Variants in HEATR5B observed in about 807,000 individuals in gnomAD.
HEATR5B encodes HEAT repeat containing 5B.
Under a neutral mutation model 224.1 loss-of-function variants are expected in HEATR5B, and 156 were observed. The ratio of observed to expected loss-of-function variants is 0.70; its 90% confidence interval spans 0.61 to 0.80. The LOEUF (loss-of-function observed/expected upper bound fraction) is 0.80. Among genes scored for constraint, HEATR5B ranks in the 30% least tolerant of loss-of-function variants. HEATR5B has a pLI of 0.00. For missense variants in HEATR5B, 2,323 were observed against 2,535.5 expected (o/e 0.92, Z 1.80); for synonymous variants, 1,027 against 893.0 (o/e 1.15, Z -2.68).
At chr2:37,007,376 T>TAC in intron 28 of HEATR5B, 72 bp from the exon 29 acceptor site, 1 of 1,415,906 alleles carries the variant, frequency 7.1e-7, no homozygotes, top group Non-Finnish European at 9.3e-7. Context: ...CCAAGTCTCG[T>TAC]TCTGTCGCCC....
chr2:37,014,293 C>G (rs1667975619), intron 26 of HEATR5B, among the ~76,000 whole-genome samples: 1 of 152,010 alleles, frequency 6.6e-6, no homozygotes, highest in African/African-American at 2.4e-5. Flanking sequence ...TCCCAAGTAG[C>G]TGGGACTACA....
In HEATR5B at chr2:37,064,863, A is replaced by G; in HGVS notation, c.1461T>C (p.Cys487=). Residue 487 remains cysteine, a synonymous_variant, in exon 10 of 36, where the codon TGT becomes TGC. Coordinates refer to ENST00000233099, the MANE Select transcript of HEATR5B (RefSeq NM_019024.3). ...TCTTCAAGTTGTTGAGCCGTTCTGC[A>G]CACCTGTCTAGAAATGGTGTCAGCT... ...PFQLTPFLDR[C]AERLNNLKTS... 1 of 1,614,118 alleles carries G rather than the reference A, an allele frequency of 6.2e-7. No individual in the cohort carries two copies. The highest frequency in any genetic ancestry group is 8.5e-7 in the Non-Finnish European group (1 of 1,180,016).
intron 35 of HEATR5B, among the ~76,000 whole-genome samples, chr2:36,987,149 C>T (rs1666002837): frequency 6.6e-6 from 1 of 152,150 alleles, no homozygotes; most frequent in South Asian, 2.1e-4. Context: ...CTCATCTCGG[C>T]CAGGTGCAGC....
rs764605370 is a variant in HEATR5B, at chr2:37,058,967, G to T, written c.1870C>A (p.His624Asn). 1.2e-6 allele frequency: 2 copies of T among 1,608,528 alleles called. No homozygotes were observed. The highest frequency in any genetic ancestry group is 1.7e-6 in the Non-Finnish European group (2 of 1,176,482). ...ALCAMRSFVA[H>N]CPELLTEDVI... ...TCTTCAGTTAGTAGCTCAGGACAAT[G>T]TGCAACGAAGCTCCTCATGGCTAGA... The change falls in exon 13 of 36, where the codon CAT becomes AAT. Residue 624 changes from histidine to asparagine, a missense_variant. Coordinates refer to ENST00000233099, the MANE Select transcript of HEATR5B (RefSeq NM_019024.3).
At chr2:37,057,534 TA>T in intron 14 of HEATR5B, 54 bp from the exon 15 acceptor site, 3 of 1,261,302 alleles carry the variant, frequency 2.4e-6, no homozygotes, top group Non-Finnish European at 3.3e-6. Flanking sequence ...GTGAAAATTA[TA>T]ATCATTGCCC....
At position 37,072,096 on chromosome 2, in the gene HEATR5B, G is replaced by C; in HGVS notation, c.769+14C>G. 6.2e-7 allele frequency: 1 copy of C among 1,602,934 alleles called. No homozygotes were observed. The highest frequency in any genetic ancestry group is 8.5e-7 in the Non-Finnish European group (1 of 1,172,464). ...AGGTCTGTTATGGTCTAAATCAAGGGCAAACAACAATACCTGTTGCCTGTT... is the reference window on the plus strand; with the variant it reads ...AGGTCTGTTATGGTCTAAATCAAGGCCAAACAACAATACCTGTTGCCTGTT... On this transcript the variant is annotated intron_variant, in intron 6 of 35. Transcript: ENST00000233099.
chr2:37,023,792 A>C lies in HEATR5B; in HGVS notation c.3854-2956T>G, dbSNP rs140672020. Reference sequence around the variant, plus strand: ...ACTCTGTCTCAGAAAAAGATAAATAAATAAAATAAAAATAAAAAGAATATC... The same window carrying C: ...ACTCTGTCTCAGAAAAAGATAAATACATAAAATAAAAATAAAAAGAATATC... On this transcript the variant is annotated intron_variant, in intron 24 of 35. Coordinates refer to ENST00000233099, the MANE Select transcript of HEATR5B (RefSeq NM_019024.3). 1.3e-3 allele frequency among the ~76,000 whole-genome samples: 191 copies of C among 152,110 alleles called. 1 individual carries two copies. Among genetic ancestry groups the C allele is most frequent in the Non-Finnish European group, 2.3e-3 (159 of 67,978 alleles).
chr2:37,014,966 T>C (rs1668024665), intron 26 of HEATR5B, among the ~76,000 whole-genome samples: 1 of 151,626 alleles, frequency 6.6e-6, no homozygotes, highest in African/African-American at 2.4e-5. Flanking sequence ...AGGGCGAGAC[T>C]TTGTCTCAAA....
chr2:37,076,987 T>G lies in HEATR5B; in HGVS notation c.371A>C (p.Glu124Ala). 6.2e-7 allele frequency: 1 copy of G among 1,614,196 alleles called. No homozygotes were observed. The highest frequency in any genetic ancestry group is 8.5e-7 in the Non-Finnish European group (1 of 1,180,022). Residue 124 changes from glutamate (E) to alanine (A), a missense_variant, in exon 4 of 36, where the codon GAA becomes GCA. This residue lies in a region of HEATR5B where 292 missense variants were observed against 332.6 expected (regional missense o/e 0.88). Transcript: ENST00000233099. ...AAVACVGAFYEKMGRMLGSAF... is the reference protein window; with the variant it reads ...AAVACVGAFYAKMGRMLGSAF... ...GCTGCCCAACATTCTCCCCATTTTT[T>G]CATAAAATGCTCCGACACAAGCCAC...
chr2:37,061,717 T>C (rs1267859342), intron 11 of HEATR5B, among the ~76,000 whole-genome samples: 1 of 152,224 alleles, frequency 6.6e-6, no homozygotes, highest in South Asian at 2.1e-4. Flanking sequence ...ATTCTGATGG[T>C]AAAGGTGAAA....
intron 18 of HEATR5B, among the ~76,000 whole-genome samples, chr2:37,044,923 T>C (rs1670095519): frequency 6.6e-6 from 1 of 152,198 alleles, no homozygotes. Context: ...TCTGTGAATT[T>C]TGGTCTTAAT....
At chr2:37,076,794 A>T (rs1267491311) in intron 4 of HEATR5B, 117 bp downstream of exon 4, 4 of 682,764 alleles carry the variant, frequency 5.9e-6, no homozygotes, top group African/African-American at 5.4e-5. Context: ...ATTTGTAATT[A>T]CCTCCTTGCT....
intron 16 of HEATR5B, among the ~76,000 whole-genome samples, chr2:37,054,243 G>A (rs556568020): frequency 7.0e-6 from 1 of 142,616 alleles, no homozygotes; most frequent in Non-Finnish European, 1.5e-5. Context: ...TGCCCAGGCT[G>A]GAGTGCAATG....
At chr2:37,044,075 T>C (rs1572876249) in intron 18 of HEATR5B, among the ~76,000 whole-genome samples, 1 of 152,208 alleles carries the variant, frequency 6.6e-6, no homozygotes, top group South Asian at 2.1e-4. Flanking sequence ...TACCAAATTA[T>C]TGAGATATTT....
At chr2:37,021,998 T>C (rs939497336) in intron 24 of HEATR5B, among the ~76,000 whole-genome samples, 1 of 151,880 alleles carries the variant, frequency 6.6e-6, no homozygotes, top group African/African-American at 2.4e-5. Flanking sequence ...CCTGCTGTTC[T>C]TTCTTCTTTA....
intron 22 of HEATR5B, among the ~76,000 whole-genome samples, chr2:37,030,028 A>G (rs1033708848): frequency 2.0e-5 from 3 of 152,158 alleles, no homozygotes; most frequent in Non-Finnish European, 2.9e-5. Context: ...TTGTCATGAA[A>G]TAGTGGTTAA....
intron 27 of HEATR5B, among the ~76,000 whole-genome samples, chr2:37,013,018 C>T (rs1048371681): frequency 2.0e-5 from 3 of 152,202 alleles, no homozygotes; most frequent in Non-Finnish European, 4.4e-5. Context: ...CCCGTATTCT[C>T]AACTGCTAAC....
intron 28 of HEATR5B, among the ~76,000 whole-genome samples, chr2:37,007,975 C>T (rs1296197272): frequency 6.6e-6 from 1 of 152,182 alleles, no homozygotes; most frequent in Non-Finnish European, 1.5e-5. Context: ...CTGTTTCTTT[C>T]TTCTTCTGCT....
intron 10 of HEATR5B, among the ~76,000 whole-genome samples, chr2:37,063,840 C>A (rs1019206535): frequency 6.6e-6 from 1 of 152,158 alleles, no homozygotes; most frequent in Non-Finnish European, 1.5e-5. Context: ...GAGACGGAGT[C>A]TTTCTCTGTC....
Sources: allele counts gnomAD v4.1 joint callset (sites outside exome capture counted in the v4.1 genomes callset), GRCh38; gene constraint gnomAD v4.1.1; regional missense constraint gnomAD v4.1.1; transcripts MANE v1.5; gene names NCBI Gene and HGNC (gene_info 2026-07-23, HGNC 2026-07-21).